IKBKE: variants seen among roughly 807,000 people sequenced by gnomAD.
The protein encoded by IKBKE is inhibitor of nuclear factor kappa B kinase subunit epsilon, also known as inhibitor of nuclear factor kappa-B kinase subunit epsilon.
Under a neutral mutation model 92.1 loss-of-function variants are expected in IKBKE, and 45 were observed. The observed-to-expected ratio is 0.49, with a 90% CI of 0.38 to 0.63. IKBKE has a LOEUF of 0.63. IKBKE is among the 20% of genes least tolerant of loss of function. The probability of loss-of-function intolerance (pLI) is 0.00; values close to 1 mark genes in which losing one functional copy is unlikely to be tolerated. For missense variants in IKBKE, 700 were observed against 932.8 expected, an observed-to-expected ratio of 0.75 and a Z score of 3.25; for synonymous variants, 374 against 380.3, an observed-to-expected ratio of 0.98 and a Z score of 0.19.
Position 206,490,295 on chromosome 1 carries a change from G to T in IKBKE, c.1694-524G>T, listed in dbSNP as rs999767698. ...ATCTCCCTAGTGCATGAGCCTTAGG[G>T]CCCTTCAGGAGGCAGCCAAGGCCAT... On this transcript the variant is annotated intron_variant, in intron 16 of 21. Transcript: ENST00000581977. The surrounding 1 kb of genome is among the most constrained non-coding windows in gnomAD (Gnocchi z 5.2). Among the ~76,000 whole-genome samples, 13 of 152,224 alleles carry T rather than the reference G, an allele frequency of 8.5e-5. No homozygotes were observed. The highest frequency in any genetic ancestry group is 3.1e-4 in the African/African-American group (13 of 41,462).
intron 21 of IKBKE, among the ~76,000 whole-genome samples, chr1:206,494,673 G>A (rs1447705961): frequency 2.2e-5 from 3 of 137,464 alleles, no homozygotes; most frequent in Non-Finnish European, 4.5e-5. Context: ...GTACTGTGTC[G>A]GCTCACTGCA....
At chr1:206,472,815 G>C (rs1351555422) in intron 2 of IKBKE, 1 of 256,192 alleles carries the variant, frequency 3.9e-6, no homozygotes, top group Non-Finnish European at 7.6e-6. Context: ...TGTTTCCTGG[G>C]ACAATCTCAA....
At position 206,476,843 on chromosome 1, in the gene IKBKE, G is replaced by A. The variant is rs189899329; in HGVS notation, c.701+5G>A. ...ACGGCGGAACAAGGAGATCATGTAC[G>A]GTGGGCCACAGGGCAGGGAATGGGG... On this transcript the variant is annotated splice_donor_5th_base_variant and intron_variant, in intron 7 of 21. Transcript: ENST00000581977. This position sits in a 1 kb window ranked among gnomAD's most constrained non-coding sequence, Gnocchi z 5.1. The A allele has an allele frequency of 1.9e-3, 3,072 of 1,614,056 alleles. 3 individuals are homozygous for A. The highest frequency in any genetic ancestry group is 2.4e-3 in the Non-Finnish European group (2,868 of 1,179,906).
chr1:206,481,942 G>A (rs1033780544), intron 13 of IKBKE, among the ~76,000 whole-genome samples: 1 of 151,748 alleles, frequency 6.6e-6, no homozygotes, highest in African/African-American at 2.4e-5. Context: ...ACTACGCCCG[G>A]CTAATTTTTT....
At chr1:206,470,766 C>G (rs1430590355) in intron 1 of IKBKE, 68 bp downstream of exon 1, 5 of 152,480 alleles carry the variant, frequency 3.3e-5, no homozygotes, top group African/African-American at 1.2e-4. Flanking sequence ...AGCTGCAGGG[C>G]AGCTCAGCCG....
At chr1:206,491,993 G>A in intron 18 of IKBKE, 1 of 394,932 alleles carries the variant, frequency 2.5e-6, no homozygotes, top group East Asian at 5.4e-5. Flanking sequence ...TTTCCTAGGT[G>A]AGGAAACTGA....
rs781990396 is a variant in IKBKE at position 206,479,886 on chromosome 1, C to A, written c.1200C>A (p.Pro400=). The change falls in exon 11 of 22, where the codon CCC becomes CCA. Residue 400 remains proline, a synonymous_variant. Transcript: ENST00000581977. ...TGTCTGCAGCTGCTCTGGACGTCCC[C>A]AAGTTCGTCCCCAAAGTGGACCTGC... is the stretch of plus-strand genomic sequence containing the variant. ...LAFRDPALDV[P]KFVPKVDLQA... The A allele has an allele frequency of 6.2e-7, 1 of 1,613,962 alleles. No homozygotes were observed. Among genetic ancestry groups the A allele is most frequent in the Non-Finnish European group, 8.5e-7 (1 of 1,179,996 alleles).
rs782265530 is a variant in IKBKE, at chr1:206,476,727, C to T, written c.590C>T (p.Ala197Val). Residue 197 changes from alanine (A) to valine (V), a missense_variant, in exon 7 of 22, where the codon GCG (alanine) becomes GTG (valine). Coordinates refer to ENST00000581977, the MANE Select transcript of IKBKE (RefSeq NM_014002.4). The surrounding 1 kb of genome is among the most constrained non-coding windows in gnomAD (Gnocchi z 5.1). Reference sequence around the variant, plus strand: ...GTGCTTCGAAAGCCCCAGCAAAAAGCGTTCGGGGTGACTGTGGATCTCTGG... The same window carrying T: ...GTGCTTCGAAAGCCCCAGCAAAAAGTGTTCGGGGTGACTGTGGATCTCTGG... ...RAVLRKPQQK[A>V]FGVTVDLWSI... 5.6e-6 allele frequency: 9 copies of T among 1,614,138 alleles called. No individual in the cohort carries two copies. Among genetic ancestry groups the T allele is most frequent in the South Asian group, 1.1e-5 (1 of 91,094 alleles).
chr1:206,481,209 G>A (rs1558478214), intron 13 of IKBKE, among the ~76,000 whole-genome samples: 2 of 152,224 alleles, frequency 1.3e-5, no homozygotes, highest in Admixed American at 1.3e-4. Flanking sequence ...TGGAAGGCAC[G>A]AGGCCATGGT....
rs1553385196 is a variant in IKBKE, at chr1:206,476,137, G to C, written c.359-44G>C. ...CAAGATGAGCCTCAGACACTAGACT[G>C]TCCCCGACCAGAGCCAGCTAGTGGC... On this transcript the variant is annotated intron_variant, in intron 5 of 21. Coordinates refer to ENST00000581977, the MANE Select transcript of IKBKE (RefSeq NM_014002.4). The surrounding 1 kb of genome is among the most constrained non-coding windows in gnomAD (Gnocchi z 5.1). The C allele has an allele frequency of 1.9e-6, 3 of 1,599,954 alleles. No individual in the cohort carries two copies. The highest frequency in any genetic ancestry group is 3.4e-5 in the Admixed American group (2 of 59,378).
intron 13 of IKBKE, among the ~76,000 whole-genome samples, chr1:206,483,933 T>G (rs41299009): frequency 1.3e-5 from 2 of 151,720 alleles, no homozygotes; most frequent in African/African-American, 4.8e-5. Context: ...GTTTTAAAAA[T>G]TTTTTTTTAG....
chr1:206,493,032 C>T lies in IKBKE; in HGVS notation c.1845C>T (p.His615=), dbSNP rs920936052. 47 of 1,570,406 alleles carry T rather than the reference C, an allele frequency of 3.0e-5. No individual in the cohort carries two copies. The highest frequency in any genetic ancestry group is 1.5e-4 in the Admixed American group (8 of 52,910). Reference sequence around the variant, plus strand: ...TGTGTGTTCTCTTGAGGGTGGTGCACGAGACCAGGAACCACCTGCGCCTGG... The same window carrying T: ...TGTGTGTTCTCTTGAGGGTGGTGCATGAGACCAGGAACCACCTGCGCCTGG... ...VTHGKRMRVV[H]ETRNHLRLVG... Residue 615 remains histidine, a synonymous_variant, in exon 19 of 22, where the codon CAC becomes CAT. Transcript: ENST00000581977.
chr1:206,485,344 G>T lies in IKBKE; in HGVS notation c.1616+38G>T. On this transcript the variant is annotated intron_variant, in intron 15 of 21. Coordinates refer to ENST00000581977, the MANE Select transcript of IKBKE (RefSeq NM_014002.4). This position sits in a 1 kb window ranked among gnomAD's most constrained non-coding sequence, Gnocchi z 5.0. ...TTCCTTCTTTGTGGGGTGGGAGTGG[G>T]GGAGTGGGCAGCTCCAAAGGTCCAG... is the stretch of plus-strand genomic sequence containing the variant. 1.6e-6 allele frequency: 2 copies of T among 1,250,168 alleles called. No homozygotes were observed. Among genetic ancestry groups the T allele is most frequent in the Non-Finnish European group, 2.4e-6 (2 of 849,496 alleles). 77.4% of individuals were successfully genotyped at this position (1,250,168 alleles called of 1,614,324 possible). A position where few individuals can be genotyped will look rare whatever the true frequency, so the allele number is the denominator to read the frequency against.
At chr1:206,481,872 C>A (rs527890241) in intron 13 of IKBKE, among the ~76,000 whole-genome samples, 1 of 145,474 alleles carries the variant, frequency 6.9e-6, no homozygotes, top group Non-Finnish European at 1.5e-5. Context: ...CTCCGCCTCC[C>A]GGGTTCACGC....
chr1:206,472,452 G>A (rs1375566626), intron 2 of IKBKE, among the ~76,000 whole-genome samples: 1 of 151,960 alleles, frequency 6.6e-6, no homozygotes, highest in Admixed American at 6.6e-5. Flanking sequence ...GACAAAGATG[G>A]GAAACAGAGT....
rs138859829 is a variant in IKBKE at position 206,478,857 on chromosome 1, G to A, written c.993-86G>A. The A allele has an allele frequency of 5.3e-3, 5,536 of 1,048,078 alleles. 34 individuals are homozygous for A. Among genetic ancestry groups the A allele is most frequent in the Middle Eastern group, 0.034 (128 of 3,716 alleles). The allele number at this position is 1,048,078 out of a possible 1,614,324, so 64.9% of individuals were successfully genotyped here. On this transcript the variant is annotated intron_variant, in intron 9 of 21. Coordinates refer to ENST00000581977, the MANE Select transcript of IKBKE (RefSeq NM_014002.4). This position sits in a 1 kb window ranked among gnomAD's most constrained non-coding sequence, Gnocchi z 4.8. ...AAACAGAGCCCTGTCTATGGGCAAC[G>A]CTTAGCTGGGGCTTAGGTCACCCTA...
At chr1:206,474,804 T>A (rs1953090) in intron 4 of IKBKE, 61 bp from the exon 5 acceptor site, 36 of 1,587,080 alleles carry the variant, frequency 2.3e-5, no homozygotes, top group East Asian at 4.5e-5. Flanking sequence ...GAGCCACTTC[T>A]TCCTGGTGGG....
rs1553385371 is a variant in IKBKE at position 206,476,420 on chromosome 1, GC to G, written c.540+64del. The G allele has an allele frequency of 1.3e-6, 2 of 1,524,204 alleles. No individual in the cohort carries two copies. Among genetic ancestry groups the G allele is most frequent in the Non-Finnish European group, 8.9e-7 (1 of 1,118,532 alleles). 94.4% of individuals were successfully genotyped at this position (1,524,204 alleles called of 1,614,324 possible). On this transcript the variant is annotated intron_variant, in intron 6 of 21. Coordinates refer to ENST00000581977, the MANE Select transcript of IKBKE (RefSeq NM_014002.4). This position sits in a 1 kb window ranked among gnomAD's most constrained non-coding sequence, Gnocchi z 5.1. ...GCTGAGGGCTCCCCTTGCCTTGTGAGCCCCCCAGAGCCCCCATGAGGGGGTG... is the reference window on the plus strand; with the variant it reads ...GCTGAGGGCTCCCCTTGCCTTGTGAGCCCCCAGAGCCCCCATGAGGGGGTG...
chr1:206,490,746 C>A lies in IKBKE; in HGVS notation c.1694-73C>A. 6.7e-7 allele frequency: 1 copy of A among 1,485,610 alleles called. No homozygotes were observed. The allele number at this position is 1,485,610 out of a possible 1,614,324, so 92.0% of individuals were successfully genotyped here. Reference sequence around the variant, plus strand: ...TGGGCCGTCTTCATCTTTTAACTGTCTCTCGACCTTTGCTGCACACTGTTT... The same window carrying A: ...TGGGCCGTCTTCATCTTTTAACTGTATCTCGACCTTTGCTGCACACTGTTT... On this transcript the variant is annotated intron_variant, in intron 16 of 21. Coordinates refer to ENST00000581977, the MANE Select transcript of IKBKE (RefSeq NM_014002.4). This position sits in a 1 kb window ranked among gnomAD's most constrained non-coding sequence, Gnocchi z 5.2.
Sources: gnomAD v4.1 joint callset for allele counts (sites outside exome capture counted in the v4.1 genomes callset) on GRCh38, gnomAD v4.1.1 for gene constraint, Gnocchi (gnomAD v3.1) non-coding constraint, MANE v1.5 for transcripts, NCBI Gene and HGNC (gene_info 2026-07-23, HGNC 2026-07-21) for gene names.